Variants in ERC2 observed in about 807,000 individuals in gnomAD.
ERC2 encodes the protein ELKS/RAB6-interacting/CAST family member 2, also known as ERC protein 2.
A neutral mutation model predicts 114.8 loss-of-function variants in ERC2; 42 were observed. That is an observed-to-expected ratio of 0.37 (90% confidence interval 0.29 to 0.47). ERC2 has a LOEUF of 0.47. ERC2 is among the 20% of genes least tolerant of loss of function. The probability of loss-of-function intolerance (pLI) is 0.99; values close to 1 mark genes in which losing one functional copy is unlikely to be tolerated. For missense variants in ERC2, 939 were observed against 1,150.7 expected (o/e 0.82, Z 2.66); for synonymous variants, 454 against 425.5 (o/e 1.07, Z -0.82).
intron 17 of ERC2, among the ~76,000 whole-genome samples, chr3:55,588,610 C>G (rs927459471): frequency 1.3e-5 from 2 of 152,178 alleles, no homozygotes; most frequent in African/African-American, 4.8e-5. Context: ...AACATTGGCT[C>G]TCACTCTTAG....
chr3:55,652,415 A>G (rs1239168944), intron 17 of ERC2, among the ~76,000 whole-genome samples: 2 of 152,186 alleles, frequency 1.3e-5, no homozygotes, highest in Middle Eastern at 3.2e-3. Flanking sequence ...GTGGACATTT[A>G]CAGACCAGGT....
chr3:55,770,899 G>T (rs1228123242), intron 14 of ERC2, among the ~76,000 whole-genome samples: 1 of 151,046 alleles, frequency 6.6e-6, no homozygotes, highest in Non-Finnish European at 1.5e-5. Context: ...TGCGGTGTTT[G>T]GTTTTCTGTT....
chr3:55,926,160 T>C (rs2065735086), intron 13 of ERC2, among the ~76,000 whole-genome samples: 1 of 152,118 alleles, frequency 6.6e-6, no homozygotes, highest in African/African-American at 2.4e-5. Flanking sequence ...AGATGTCAAA[T>C]GATTATGGGA....
At chr3:55,541,791 GCAGGAATGTTTTGCC>G (rs1189478139) in intron 17 of ERC2, among the ~76,000 whole-genome samples, 3 of 152,214 alleles carry the variant, frequency 2.0e-5, no homozygotes, top group Non-Finnish European at 4.4e-5. Context: ...AGTAATCCAA[GCAGGAATGTTTTGCC>G]CTGGTTAGTT....
rs553646803 is a variant in ERC2 at position 55,583,331 on chromosome 3, TTGCCTGCCTGTCTGCC to T, written c.*40-72071_*40-72056del. Among the ~76,000 whole-genome samples the T allele has an allele frequency of 3.4e-3, 521 of 151,644 alleles. 4 individuals carry two copies. The highest frequency in any genetic ancestry group is 0.012 in the African/African-American group (477 of 41,204). ...ACTGGCTGGTTTCCAGTGTGGAAGCTTGCCTGCCTGTCTGCCTGCCTGCCTGCCTGCCTGCCTGCCT... is the reference window on the plus strand; with the variant it reads ...ACTGGCTGGTTTCCAGTGTGGAAGCTTGCCTGCCTGCCTGCCTGCCTGCCT... On this transcript the variant is annotated intron_variant, in intron 17 of 17. Transcript: ENST00000288221.
intron 14 of ERC2, among the ~76,000 whole-genome samples, chr3:55,771,576 G>C (rs2068205103): frequency 6.6e-6 from 1 of 152,218 alleles, no homozygotes; most frequent in African/African-American, 2.4e-5. Context: ...GGAAAAATTA[G>C]AAGATGAAAA....
chr3:55,746,229 T>G (rs2066290534), intron 14 of ERC2, among the ~76,000 whole-genome samples: 1 of 151,996 alleles, frequency 6.6e-6, no homozygotes, highest in Non-Finnish European at 1.5e-5. Flanking sequence ...GAATTAAGGT[T>G]CTGTGGAGTG....
At chr3:56,076,564 C>T (rs1229457387) in intron 7 of ERC2, among the ~76,000 whole-genome samples, 1 of 152,144 alleles carries the variant, frequency 6.6e-6, no homozygotes, top group Non-Finnish European at 1.5e-5. Flanking sequence ...TGTCACAGCC[C>T]CACGGGAACA....
Position 56,133,639 on chromosome 3 carries a change from T to C in ERC2, c.1473+5870A>G, listed in dbSNP as rs149972435. 1.3e-3 allele frequency among the ~76,000 whole-genome samples: 202 copies of C among 152,252 alleles called. 2 individuals are homozygous for C. Among genetic ancestry groups the C allele is most frequent in the African/African-American group, 4.7e-3 (196 of 41,548 alleles). ...ATACATCCTCTGAGCTTCTATTTCA[T>C]CATCTTAAAAATAGGGGCAACAATA... On this transcript the variant is annotated intron_variant, in intron 6 of 17. Coordinates refer to ENST00000288221, the MANE Select transcript of ERC2 (RefSeq NM_015576.3).
chr3:55,992,129 C>G lies in ERC2; in HGVS notation c.2183G>C (p.Arg728Pro), dbSNP rs777439484. The change falls in exon 11 of 18, where the codon CGG (arginine) becomes CCG (proline). Residue 728 changes from arginine (R) to proline (P), a missense_variant. By Grantham distance (103) the Arg-to-Pro change is moderately radical (BLOSUM62 -2). This residue lies in a region of ERC2 where 328 missense variants were observed against 353.9 expected (regional missense o/e 0.93). Transcript: ENST00000288221. ...ECGKAQAEVDRLLEILKEVEN... is the reference protein window; with the variant it reads ...ECGKAQAEVDPLLEILKEVEN... Reference sequence around the variant, plus strand: ...CACCTCCTTGAGGATCTCCAGCAACCGGTCCACTTCCGCTTGGGCCTTGCC... The same window carrying G: ...CACCTCCTTGAGGATCTCCAGCAACGGGTCCACTTCCGCTTGGGCCTTGCC... 2 of 1,613,946 alleles carry G rather than the reference C, an allele frequency of 1.2e-6. No homozygotes were observed. Among genetic ancestry groups the G allele is most frequent in the Non-Finnish European group, 1.7e-6 (2 of 1,179,886 alleles).
chr3:55,641,287 C>A (rs1246170364), intron 17 of ERC2, among the ~76,000 whole-genome samples: 1 of 152,150 alleles, frequency 6.6e-6, no homozygotes, highest in African/African-American at 2.4e-5. Context: ...TGGTGGCTCA[C>A]GTCTGTAATG....
At position 55,814,943 on chromosome 3, in the gene ERC2, C is replaced by T. The variant is rs564655998; in HGVS notation, c.2564+73446G>A. Reference sequence around the variant, plus strand: ...TTAAGTCTATGGTCTAGACAAGATACCCCATCCAGAATCCTCCCTTGATTC... The same window carrying T: ...TTAAGTCTATGGTCTAGACAAGATATCCCATCCAGAATCCTCCCTTGATTC... On this transcript the variant is annotated intron_variant, in intron 14 of 17. Coordinates refer to ENST00000288221, the MANE Select transcript of ERC2 (RefSeq NM_015576.3). Among the ~76,000 whole-genome samples the T allele has an allele frequency of 7.9e-5, 12 of 152,284 alleles. 1 individual carries two copies. The South Asian group carries it at 2.1e-3, about 26-fold the overall frequency.
At chr3:56,047,338 G>T (rs2075529417) in intron 7 of ERC2, among the ~76,000 whole-genome samples, 1 of 152,164 alleles carries the variant, frequency 6.6e-6, no homozygotes, top group African/African-American at 2.4e-5. Flanking sequence ...CATATGTTTG[G>T]GGTAAGTGAT....
rs1362378715 is a variant in ERC2 at position 55,509,718 on chromosome 3, A to G, written c.*1598T>C. 1.3e-5 allele frequency: 2 copies of G among 152,610 alleles called. No individual in the cohort carries two copies. Among genetic ancestry groups the G allele is most frequent in the Non-Finnish European group, 2.9e-5 (2 of 68,032 alleles). The allele number at this position is 152,610 out of a possible 1,614,324, so 9.5% of individuals were successfully genotyped here. On this transcript the variant is annotated 3_prime_UTR_variant, in exon 18 of 18. Transcript: ENST00000288221. ...CTTTTAAATATCTCTATGGCTCACA[A>G]GAGAGGTCCAGAGTTAATTGCACCA...
chr3:56,391,222 C>T (rs955624594), intron 2 of ERC2, among the ~76,000 whole-genome samples: 1 of 152,208 alleles, frequency 6.6e-6, no homozygotes, highest in Non-Finnish European at 1.5e-5. Context: ...GAAAGACTGT[C>T]ATAAGAAGGA....
intron 10 of ERC2, among the ~76,000 whole-genome samples, chr3:56,004,563 A>G (rs1157080209): frequency 6.6e-6 from 1 of 152,078 alleles, no homozygotes; most frequent in East Asian, 1.9e-4. Context: ...ACTTTTATGT[A>G]AAAACTCCCT....
chr3:56,303,695 T>C lies in ERC2; in HGVS notation c.658-7260A>G, dbSNP rs574501580. Among the ~76,000 whole-genome samples the C allele has an allele frequency of 2.0e-5, 3 of 152,338 alleles. No individual in the cohort carries two copies. The East Asian group carries it at 5.8e-4, about 29-fold the overall frequency. On this transcript the variant is annotated intron_variant, in intron 2 of 17. Coordinates refer to ENST00000288221, the MANE Select transcript of ERC2 (RefSeq NM_015576.3). ...AAGGAGCAAATGCCAATCTAAGCACTGAGCTTGAGAGAGCGAACTGGGACT... is the reference window on the plus strand; with the variant it reads ...AAGGAGCAAATGCCAATCTAAGCACCGAGCTTGAGAGAGCGAACTGGGACT...
At chr3:56,077,073 A>G (rs1336653565) in intron 7 of ERC2, among the ~76,000 whole-genome samples, 1 of 152,164 alleles carries the variant, frequency 6.6e-6, no homozygotes, top group Non-Finnish European at 1.5e-5. Flanking sequence ...TGCTATTCCA[A>G]TCCAAGCCTG....
At chr3:56,101,061 A>C (rs1053967828) in intron 6 of ERC2, among the ~76,000 whole-genome samples, 10 of 152,258 alleles carry the variant, frequency 6.6e-5, no homozygotes, top group African/African-American at 9.6e-5. Context: ...AAGATGAATG[A>C]AATCTGCTCT....
Sources: gnomAD v4.1 joint callset for allele counts (sites outside exome capture counted in the v4.1 genomes callset) on GRCh38, gnomAD v4.1.1 for gene constraint, gnomAD v4.1.1 regional missense constraint, MANE v1.5 for transcripts, NCBI Gene and HGNC (gene_info 2026-07-23, HGNC 2026-07-21) for gene names.